The following PLEC variants were observed in gnomAD, a reference collection of about 807,000 sequenced individuals.
PLEC encodes the protein hemidesmosomal protein 1.
In PLEC, 216 loss-of-function variants were observed where a neutral mutation model predicts 392.8. The ratio of observed to expected loss-of-function variants is 0.55; its 90% CI spans 0.49 to 0.62. The LOEUF is 0.62. Ranked by LOEUF, PLEC falls within the 20% of genes least tolerant of loss-of-function variation. The pLI, the probability that PLEC is intolerant of heterozygous loss-of-function variation, is 0.00. For missense variants in PLEC, 6,863 were observed against 6,563.4 expected (o/e 1.05, Z -1.58); for synonymous variants, 3,621 against 2,980.6 (o/e 1.21, Z -7.00).
upstream of PLEC, chr8:143,942,655 C>A (rs553027456): frequency 8.9e-7 from 1 of 1,120,986 alleles, no homozygotes; most frequent in Non-Finnish European, 1.2e-6. Flanking sequence ...ACAATCCGCC[C>A]ACTGCGGGAG....
At position 143,921,028 on chromosome 8, in the gene PLEC, T is replaced by C. The variant is rs781954067; in HGVS notation, c.8793A>G (p.Glu2931=). ...TVTIWEIINS[E]YFTAEQRRDL... Reference sequence around the variant, plus strand: ...CCCGCCGCTGCTCTGCCGTGAAGTATTCCGAGTTGATGATCTCCCAAATGG... The same window carrying C: ...CCCGCCGCTGCTCTGCCGTGAAGTACTCCGAGTTGATGATCTCCCAAATGG... The change falls in exon 32 of 32, where the codon GAA becomes GAG. Residue 2931 remains glutamate (E), a synonymous_variant. Transcript: ENST00000345136. The C allele has an allele frequency of 4.3e-6, 7 of 1,612,926 alleles. No individual in the cohort carries two copies. The Admixed American group carries it at 1.0e-4, about 23-fold the overall frequency.
chr8:143,922,856 G>A lies in PLEC; in HGVS notation c.7073C>T (p.Ala2358Val), dbSNP rs782367691. ...CCGCTGGAAGCCCTGCGTCTCCTCC[G>A]CCAGCTGCTGCGCCATCTGCTCCTT... is the stretch of plus-strand genomic sequence containing the variant. ...EDKEQMAQQL[A>V]EETQGFQRTL... Residue 2358 changes from alanine (A) to valine (V), a missense_variant, in exon 31 of 32, where the codon GCG becomes GTG. Physicochemically the swap from Ala to Val is moderately conservative, Grantham distance 64. Coordinates refer to ENST00000345136, the MANE Select transcript of PLEC (RefSeq NM_201384.3). The A allele has an allele frequency of 8.7e-5, 137 of 1,577,544 alleles. No individual in the cohort carries two copies. The highest frequency in any genetic ancestry group is 5.0e-4 in the African/African-American group (37 of 73,894).
intron 1 of PLEC, among the ~76,000 whole-genome samples, chr8:143,972,249 G>A (rs1434665342): frequency 6.6e-6 from 1 of 152,190 alleles, no homozygotes; most frequent in Non-Finnish European, 1.5e-5. Context: ...TCCCTCTAAG[G>A]CAGGGCCGGC....
At chr8:143,933,145 G>C in intron 13 of PLEC, 34 bp from the exon 14 acceptor site, 2 of 1,606,266 alleles carry the variant, frequency 1.2e-6, no homozygotes, top group South Asian at 2.2e-5. Context: ...AGGTGTTGGC[G>C]GGCCTGGGGC....
Position 143,917,810 on chromosome 8 carries a change from A to G in PLEC, c.12011T>C (p.Leu4004Pro), listed in dbSNP as rs1554673236. The G allele has an allele frequency of 6.2e-7, 1 of 1,613,544 alleles. No individual in the cohort carries two copies. Among genetic ancestry groups the G allele is most frequent in the Non-Finnish European group, 8.5e-7 (1 of 1,180,000 alleles). ...AGTGACGGCGCGCTCGGCCGACAGC[A>G]GCTTGTCCTTGAACTCGGGGCCCAC... ...GIVGPEFKDKLLSAERAVTGY... is the reference protein window; with the variant it reads ...GIVGPEFKDKPLSAERAVTGY... Residue 4004 changes from leucine (L) to proline (P), a missense_variant, in exon 32 of 32, where the codon CTG (leucine) becomes CCG (proline). Leu to Pro is a moderately conservative substitution (Grantham distance 98, BLOSUM62 -3). Coordinates refer to ENST00000345136, the MANE Select transcript of PLEC (RefSeq NM_201384.3).
chr8:143,931,855 C>T, intron 18 of PLEC, 82 bp downstream of exon 18: 3 of 1,437,274 alleles, frequency 2.1e-6, no homozygotes. Flanking sequence ...AGGAGGGCTC[C>T]TGATTGGAGC....
In PLEC at chr8:143,931,588, A is replaced by ACTGTATTTCCTACGCAGTGCCT; in HGVS notation, c.2228_2249dup (p.Ser750ArgfsTer5). On this transcript the variant is annotated stop_gained and frameshift_variant, in exon 19 of 32. Coordinates refer to ENST00000345136, the MANE Select transcript of PLEC (RefSeq NM_201384.3). LOFTEE classifies it high-confidence loss of function. ...GGGTGACGGTGGCGGAGCGATCACA[A>ACTGTATTTCCTACGCAGTGCCT]CTGTATTTCCTACGCAGTGCCTCCT... 1 of 1,599,618 alleles carries ACTGTATTTCCTACGCAGTGCCT rather than the reference A, an allele frequency of 6.3e-7. No individual in the cohort carries two copies.
In PLEC at chr8:143,919,771, C is replaced by G; in HGVS notation, c.10050G>C (p.Leu3350=). ...CGGCGAGGCAGCCACTGCCCTGCAG[C>G]AGCGTCCGCACGGAGCCCAGCTCCG... The part of the protein sequence containing the change: ...DLSELGSVRT[L]LQGSGCLAGI... Residue 3350 remains leucine (L), a synonymous_variant, in exon 32 of 32, where the codon CTG becomes CTC. Transcript: ENST00000345136. The G allele has an allele frequency of 6.2e-7, 1 of 1,611,508 alleles. No individual in the cohort carries two copies. The highest frequency in any genetic ancestry group is 8.5e-7 in the Non-Finnish European group (1 of 1,178,970).
At position 143,932,496 on chromosome 8, in the gene PLEC, C is replaced by T. The variant is rs781985645; in HGVS notation, c.1881G>A (p.Lys627=). The T allele has an allele frequency of 6.2e-7, 1 of 1,612,506 alleles. No homozygotes were observed. Among genetic ancestry groups the T allele is most frequent in the Non-Finnish European group, 8.5e-7 (1 of 1,179,966 alleles). ...SLHSFVAAAT[K]ELMWLNEKEE... ...CCTTCTCATTCAGCCACATTAGCTC[C>T]TTAGTGGCGGCTGCCACAAAGCTGT... The change falls in exon 16 of 32, where the codon AAG becomes AAA. Residue 627 remains lysine, a synonymous_variant. Transcript: ENST00000345136.
chr8:143,943,766 C>T (rs1554730464), upstream of PLEC: 1 of 1,609,654 alleles, frequency 6.2e-7, no homozygotes, highest in Non-Finnish European at 8.5e-7. Flanking sequence ...TGGCAGCCAC[C>T]AGCGGGGCTT....
At position 143,924,063 on chromosome 8, in the gene PLEC, C is replaced by T. The variant is rs1823974900; in HGVS notation, c.5866G>A (p.Glu1956Lys). 2 of 1,597,500 alleles carry T rather than the reference C, an allele frequency of 1.3e-6. No individual in the cohort carries two copies. Among genetic ancestry groups the T allele is most frequent in the East Asian group, 2.2e-5 (1 of 44,786 alleles). The change falls in exon 31 of 32, where the codon GAG becomes AAG. Residue 1956 changes from glutamate (E) to lysine (K), a missense_variant. Physicochemically the swap from Glu to Lys is moderately conservative, Grantham distance 56 (BLOSUM62 1). Transcript: ENST00000345136. ...TGCTCCTTGCTGCGCAGCGTGTCCT[C>T]CGCGTTGCTGCGGATGCGTCCCAGC... ...LELGRIRSNA[E>K]DTLRSKEQAE...
At chr8:143,946,411 G>C in intron 1 of PLEC, 1 of 1,287,166 alleles carries the variant, frequency 7.8e-7, no homozygotes, top group Non-Finnish European at 1.0e-6. Context: ...CACAGGCCAG[G>C]CTGCTCCGAG....
In PLEC at chr8:143,919,105, G is replaced by C; in HGVS notation, c.10716C>G (p.Ile3572Met). Residue 3572 changes from isoleucine (I) to methionine (M), a missense_variant, in exon 32 of 32, where the codon ATC (isoleucine) becomes ATG (methionine). Ile to Met is a conservative substitution (Grantham distance 10, BLOSUM62 1). Transcript: ENST00000345136. ...ETRRAFEETQ[I>M]DIPGGGSHGG... ...CGTGGCTGCCGCCGCCGGGAATGTC[G>C]ATCTGTGTCTCTTCAAATGCCCTTC... The C allele has an allele frequency of 6.2e-7, 1 of 1,612,496 alleles. No homozygotes were observed.
rs913371011 is a variant in PLEC at position 143,917,060 on chromosome 8, G to C, written c.12761C>G (p.Ser4254Cys). 6.2e-7 allele frequency: 1 copy of C among 1,607,922 alleles called. No individual in the cohort carries two copies. Among genetic ancestry groups the C allele is most frequent in the South Asian group, 1.1e-5 (1 of 91,038 alleles). ...RSRSSSVGSS[S>C]SYPISPAVSR... ...GACGGCGGGGCTGATGGGGTAGGAG[G>C]AGGAGGATCCCACCGAGGAGGAACG... Residue 4254 changes from serine to cysteine, a missense_variant, in exon 32 of 32, where the codon TCC (serine) becomes TGC (cysteine). Ser to Cys is a moderately radical substitution (Grantham distance 112). Coordinates refer to ENST00000345136, the MANE Select transcript of PLEC (RefSeq NM_201384.3).
intron 1 of PLEC, among the ~76,000 whole-genome samples, chr8:143,963,830 T>G (rs1832968880): frequency 6.7e-6 from 1 of 149,718 alleles, no homozygotes; most frequent in South Asian, 2.1e-4. Context: ...TTTTTTTTTT[T>G]GAGATGGAGT....
At chr8:143,975,307 G>A (rs1285614934), upstream of PLEC, 2 of 1,611,598 alleles carry the variant, frequency 1.2e-6, no homozygotes, top group Non-Finnish European at 1.7e-6. This position sits in a 1 kb window ranked among gnomAD's most constrained non-coding sequence, Gnocchi z 9.9. Context: ...GGCTGGGCGA[G>A]CCACTGCTTC....
chr8:143,934,796 C>T lies in PLEC; in HGVS notation c.945+14G>A, dbSNP rs199776873. 5 of 1,611,718 alleles carry T rather than the reference C, an allele frequency of 3.1e-6. No homozygotes were observed. The highest frequency in any genetic ancestry group is 2.2e-5 in the South Asian group (2 of 91,076). On this transcript the variant is annotated intron_variant, in intron 9 of 31. Coordinates refer to ENST00000345136, the MANE Select transcript of PLEC (RefSeq NM_201384.3). ...AGGGCAGGCCCAGGACCCCGCCCCC[C>T]ACGGCAGGCCCACCTCAATCTCCTC...
At chr8:143,939,248 A>G in intron 1 of PLEC, 102 bp downstream of exon 1, 1 of 1,467,932 alleles carries the variant, frequency 6.8e-7, no homozygotes, top group Non-Finnish European at 9.3e-7. Context: ...CTCCAAGACC[A>G]GCCCCCCAGC....
At chr8:143,934,478 G>A in intron 10 of PLEC, 33 bp from the exon 11 acceptor site, 2 of 1,608,308 alleles carry the variant, frequency 1.2e-6, no homozygotes, top group Non-Finnish European at 8.5e-7. Flanking sequence ...GGCCCTATAG[G>A]CAGGGGGCAG....
Sources: allele counts gnomAD v4.1 joint callset (sites outside exome capture counted in the v4.1 genomes callset), GRCh38; gene constraint gnomAD v4.1.1; non-coding constraint Gnocchi (gnomAD v3.1); transcripts MANE v1.5; gene names NCBI Gene and HGNC (gene_info 2026-07-23, HGNC 2026-07-21).